GPC5: variants seen among roughly 807,000 people sequenced by gnomAD.
GPC5 encodes glypican-5.
Under a neutral mutation model 53.9 loss-of-function variants are expected in GPC5, and 47 were observed. The observed-to-expected ratio is 0.87, with a 90% CI of 0.69 to 1.11. GPC5 has a LOEUF of 1.11. GPC5 is among the 50% of genes most tolerant of loss of function. The pLI is 0.00. For synonymous variants in GPC5, 286 were observed against 263.3 expected (o/e 1.09, Z -0.84); for missense variants, 748 against 713.1 (o/e 1.05, Z -0.56).
At chr13:91,909,251 T>C (rs1007442312) in intron 6 of GPC5, among the ~76,000 whole-genome samples, 9 of 152,226 alleles carry the variant, frequency 5.9e-5, no homozygotes, top group Non-Finnish European at 1.3e-4. Context: ...TCTGCTGAGC[T>C]GGTCCAGTTG....
At chr13:92,125,280 C>G (rs567957344) in intron 6 of GPC5, among the ~76,000 whole-genome samples, 1 of 152,198 alleles carries the variant, frequency 6.6e-6, no homozygotes, top group Non-Finnish European at 1.5e-5. Context: ...GAGGCCACAG[C>G]TAATCCACAT....
At chr13:92,757,825 G>A (rs1874961101) in intron 7 of GPC5, among the ~76,000 whole-genome samples, 1 of 152,034 alleles carries the variant, frequency 6.6e-6, no homozygotes. Flanking sequence ...TATAAAGTCA[G>A]GAAACAACAG....
chr13:92,243,389 A>G (rs2042627835), intron 7 of GPC5, among the ~76,000 whole-genome samples: 1 of 152,206 alleles, frequency 6.6e-6, no homozygotes, highest in Non-Finnish European at 1.5e-5. Context: ...CAAGAAGTAG[A>G]TTAAAGAGAA....
intron 7 of GPC5, chr13:92,701,365 A>C (rs1887733197): frequency 6.6e-6 from 1 of 152,084 alleles, no homozygotes; most frequent in African/African-American, 2.4e-5. Flanking sequence ...ATGTGTGGAA[A>C]TCACCTACAC....
intron 6 of GPC5, among the ~76,000 whole-genome samples, chr13:92,049,463 G>A (rs150241915): frequency 6.6e-6 from 1 of 152,080 alleles, no homozygotes; most frequent in East Asian, 1.9e-4. Context: ...AAAAATCTGA[G>A]CTCCAGATAA....
chr13:91,976,813 G>A (rs1164379756), intron 6 of GPC5, among the ~76,000 whole-genome samples: 1 of 152,114 alleles, frequency 6.6e-6, no homozygotes. Context: ...GCTGTGGCAG[G>A]CGAAACACTT....
chr13:91,500,509 A>G (rs776106208), intron 2 of GPC5, among the ~76,000 whole-genome samples: 4 of 152,176 alleles, frequency 2.6e-5, no homozygotes, highest in Non-Finnish European at 5.9e-5. Context: ...TTTCAGATCA[A>G]CAGCAAATCA....
intron 2 of GPC5, among the ~76,000 whole-genome samples, chr13:91,655,712 A>G (rs1284245944): frequency 6.6e-6 from 1 of 152,102 alleles, no homozygotes; most frequent in Non-Finnish European, 1.5e-5. Flanking sequence ...GTTCTAAAAC[A>G]ATAATAAACA....
At chr13:92,392,793 A>AT in intron 7 of GPC5, among the ~76,000 whole-genome samples, 1 of 152,314 alleles carries the variant, frequency 6.6e-6, no homozygotes, top group Middle Eastern at 3.4e-3. Context: ...AAGCATATAT[A>AT]AAAAAAGCTC....
intron 7 of GPC5, among the ~76,000 whole-genome samples, chr13:92,464,135 A>G (rs894047437): frequency 1.3e-5 from 2 of 152,172 alleles, no homozygotes; most frequent in East Asian, 1.9e-4. Flanking sequence ...AAGTTATACA[A>G]TTTATCACTC....
At chr13:91,440,726 T>G (rs146624080) in intron 1 of GPC5, among the ~76,000 whole-genome samples, 1 of 152,342 alleles carries the variant, frequency 6.6e-6, no homozygotes, top group African/African-American at 2.4e-5. Flanking sequence ...TTTAGAGTTT[T>G]GATATGTTTG....
chr13:92,184,084 T>G (rs906266957), intron 7 of GPC5, among the ~76,000 whole-genome samples: 8 of 152,150 alleles, frequency 5.3e-5, no homozygotes, highest in Admixed American at 2.6e-4. Context: ...CTGCCCTTTA[T>G]TTTATGTGCT....
At chr13:91,711,725 A>G (rs775420454) in intron 3 of GPC5, among the ~76,000 whole-genome samples, 32 of 152,232 alleles carry the variant, frequency 2.1e-4, no homozygotes, top group Admixed American at 1.5e-3. Context: ...ATTTTCTGCT[A>G]AAAACACTTA....
rs186068232 is a variant in GPC5 at position 92,346,054 on chromosome 13, G to A, written c.1561+201065G>A. 4.6e-5 allele frequency among the ~76,000 whole-genome samples: 7 copies of A among 152,206 alleles called. No individual in the cohort carries two copies. In the East Asian group the frequency reaches 1.2e-3, roughly 25 times the overall value. On this transcript the variant is annotated intron_variant, in intron 7 of 7. Transcript: ENST00000377067. Reference sequence around the variant, plus strand: ...ACTTTGCCTCAGAGCATGACCTAATGACCCTGCCCAGGCAGGGACACTCCC... The same window carrying A: ...ACTTTGCCTCAGAGCATGACCTAATAACCCTGCCCAGGCAGGGACACTCCC...
rs546914726 is a variant in GPC5, at chr13:92,377,674, T to A, written c.1561+232685T>A. On this transcript the variant is annotated intron_variant, in intron 7 of 7. Coordinates refer to ENST00000377067, the MANE Select transcript of GPC5 (RefSeq NM_004466.6). ...TTTTCTACAGCCATATATCACATATTATTTTTTTACTATAACTTAATAATA... is the reference window on the plus strand; with the variant it reads ...TTTTCTACAGCCATATATCACATATAATTTTTTTACTATAACTTAATAATA... Among the ~76,000 whole-genome samples, 14 of 152,336 alleles carry A rather than the reference T, an allele frequency of 9.2e-5. No individual in the cohort carries two copies. The South Asian group carries it at 2.9e-3, about 32-fold the overall frequency.
At chr13:92,439,024 C>T (rs1483214264) in intron 7 of GPC5, among the ~76,000 whole-genome samples, 1 of 152,066 alleles carries the variant, frequency 6.6e-6, no homozygotes, top group Non-Finnish European at 1.5e-5. Context: ...AAGACCAGGA[C>T]TAGAGAAATC....
At chr13:92,226,609 G>T (rs16947132) in intron 7 of GPC5, among the ~76,000 whole-genome samples, 35,276 of 151,386 alleles carry the variant, frequency 0.23, 4,320 homozygotes, top group African/African-American at 0.31. Flanking sequence ...GAAACAAGCA[G>T]AACTTTTTTT....
At chr13:91,920,559 AAC>A (rs2039701129) in intron 6 of GPC5, among the ~76,000 whole-genome samples, 1 of 152,234 alleles carries the variant, frequency 6.6e-6, no homozygotes, top group South Asian at 2.1e-4. Flanking sequence ...AATGAATGAA[AAC>A]ACACGTGCCT....
chr13:91,742,918 C>T (rs560622859), intron 4 of GPC5, among the ~76,000 whole-genome samples: 6 of 152,142 alleles, frequency 3.9e-5, no homozygotes, highest in African/African-American at 1.4e-4. Context: ...ATTTTATAGC[C>T]ATAGACATGG....
Sources: gnomAD v4.1 joint callset for allele counts (sites outside exome capture counted in the v4.1 genomes callset) on GRCh38, gnomAD v4.1.1 for gene constraint, MANE v1.5 for transcripts, NCBI Gene and HGNC (gene_info 2026-07-23, HGNC 2026-07-21) for gene names.